TRAF6: variants seen among roughly 807,000 people sequenced by gnomAD.
The protein encoded by TRAF6 is TNF receptor associated factor 6.
In TRAF6, 10 loss-of-function variants were observed where a neutral mutation model predicts 48.4. The ratio of observed to expected loss-of-function variants is 0.21; its 90% CI spans 0.13 to 0.35. TRAF6 has a LOEUF of 0.35. TRAF6 is among the 10% of genes least tolerant of loss of function. TRAF6 has a pLI of 1.00. For synonymous variants in TRAF6, 186 were observed against 219.6 expected (o/e 0.85, Z 1.35); for missense variants, 397 against 661.0 (o/e 0.60, Z 4.38).
At chr11:36,492,423 T>C in intron 6 of TRAF6, 128 bp downstream of exon 6, 2 of 776,496 alleles carry the variant, frequency 2.6e-6, no homozygotes, top group East Asian at 5.5e-5. Context: ...CATCCATGAA[T>C]AACTCTATTA....
chr11:36,503,690 G>A (rs1859748404), intron 1 of TRAF6, among the ~76,000 whole-genome samples: 1 of 152,192 alleles, frequency 6.6e-6, no homozygotes, highest in Admixed American at 6.5e-5. Context: ...TTGAAAGGAA[G>A]CAAACAATGG....
In TRAF6 at chr11:36,498,033, C is replaced by T. The variant is rs148372564; in HGVS notation, c.447+457G>A. The stretch of plus-strand genomic sequence containing the variant: ...CTGAGTAGCTGGGATTACAGGTGCA[C>T]GCCACCATGCCTGGCTAATTTTTGT... On this transcript the variant is annotated intron_variant, in intron 3 of 6. Coordinates refer to ENST00000526995, the MANE Select transcript of TRAF6 (RefSeq NM_004620.4). 3.8e-3 allele frequency among the ~76,000 whole-genome samples: 575 copies of T among 152,006 alleles called. 6 individuals carry two copies. The highest frequency in any genetic ancestry group is 0.013 in the African/African-American group (536 of 41,454).
chr11:36,497,441 T>C (rs947604899), intron 3 of TRAF6, among the ~76,000 whole-genome samples, 175 bp from the exon 4 acceptor site: 2 of 152,194 alleles, frequency 1.3e-5, no homozygotes, highest in African/African-American at 4.8e-5. Flanking sequence ...AAAATGGTCA[T>C]GGGTTGCAAA....
chr11:36,488,560 G>A lies in TRAF6; in HGVS notation c.*1278C>T, dbSNP rs1704684364. On this transcript the variant is annotated 3_prime_UTR_variant, in exon 7 of 7. Coordinates refer to ENST00000526995, the MANE Select transcript of TRAF6 (RefSeq NM_004620.4). ...GCTTATACTAGTTGCGGGTCTCCCT[G>A]AGAACTAGATTCCACGATATTTTAT... 1 of 152,418 alleles carries A rather than the reference G, an allele frequency of 6.6e-6. No individual in the cohort carries two copies. The highest frequency in any genetic ancestry group is 1.5e-5 in the Non-Finnish European group (1 of 68,028). 9.4% of individuals were successfully genotyped at this position (152,418 alleles called of 1,614,324 possible). A position where few individuals can be genotyped will look rare whatever the true frequency, so the allele number is the denominator to read the frequency against.
intron 6 of TRAF6, among the ~76,000 whole-genome samples, chr11:36,491,466 T>C (rs933726645): frequency 6.6e-6 from 1 of 152,208 alleles, no homozygotes; most frequent in African/African-American, 2.4e-5. Flanking sequence ...CATACCATTT[T>C]GCTCATTTTA....
chr11:36,502,523 G>A (rs545064283), intron 1 of TRAF6, among the ~76,000 whole-genome samples: 1 of 152,180 alleles, frequency 6.6e-6, no homozygotes, highest in South Asian at 2.1e-4. Context: ...GAAACAGAAT[G>A]TAGGCCTCCA....
intron 1 of TRAF6, among the ~76,000 whole-genome samples, chr11:36,503,144 T>G (rs1313628730): frequency 6.6e-6 from 1 of 152,206 alleles, no homozygotes; most frequent in Non-Finnish European, 1.5e-5. Flanking sequence ...AATTTGTCCA[T>G]GAAGCTGCAT....
In TRAF6 at chr11:36,488,762, G is replaced by A. The variant is rs1219516620; in HGVS notation, c.*1076C>T. On this transcript the variant is annotated 3_prime_UTR_variant, in exon 7 of 7. Coordinates refer to ENST00000526995, the MANE Select transcript of TRAF6 (RefSeq NM_004620.4). ...ACAACCACTGTGACTTCTAATCCTA[G>A]TTTGGTGACCTCCTAGGTATCTCCA... 6 of 152,136 alleles carry A rather than the reference G, an allele frequency of 3.9e-5. No individual in the cohort carries two copies. Among genetic ancestry groups the A allele is most frequent in the Admixed American group, 3.9e-4 (6 of 15,280 alleles). 9.4% of individuals were successfully genotyped at this position (152,136 alleles called of 1,614,324 possible). A position where few individuals can be genotyped will look rare whatever the true frequency, so the allele number is the denominator to read the frequency against.
intron 2 of TRAF6, among the ~76,000 whole-genome samples, chr11:36,500,059 C>T (rs1318896443): frequency 2.6e-5 from 4 of 152,202 alleles, no homozygotes; most frequent in Non-Finnish European, 5.9e-5. Context: ...GGGTCAGGCA[C>T]TATTTCCAGA....
intron 1 of TRAF6, 188 bp from the exon 2 acceptor site, chr11:36,501,725 C>G: frequency 2.6e-6 from 1 of 389,522 alleles, no homozygotes; most frequent in Non-Finnish European, 4.5e-6. Context: ...TTACCTGATT[C>G]TCTCCTTCAA....
At chr11:36,498,394 A>G in intron 3 of TRAF6, 96 bp downstream of exon 3, 1 of 1,037,240 alleles carries the variant, frequency 9.6e-7, no homozygotes, top group Non-Finnish European at 1.4e-6. Context: ...ATCATATGCT[A>G]GGTACTGGCA....
At chr11:36,504,623 G>A (rs1441882499) in intron 1 of TRAF6, among the ~76,000 whole-genome samples, 1 of 152,164 alleles carries the variant, frequency 6.6e-6, no homozygotes, top group African/African-American at 2.4e-5. Context: ...CTCCTGTTAA[G>A]GCTGATATTT....
rs1257331076 is a variant in TRAF6, at chr11:36,490,809, C to T, written c.757-159G>A. 6.6e-6 allele frequency among the ~76,000 whole-genome samples: 1 copy of T among 152,174 alleles called. No homozygotes were observed. Among genetic ancestry groups the T allele is most frequent in the Non-Finnish European group, 1.5e-5 (1 of 68,032 alleles). On this transcript the variant is annotated intron_variant, in intron 6 of 6. Transcript: ENST00000526995. The surrounding 1 kb of genome is among the most constrained non-coding windows in gnomAD (Gnocchi z 6.4). The stretch of plus-strand genomic sequence containing the variant: ...TCAACAGATTCTTGATCCAATGAGG[C>T]GACTCTGCCTCTTAGTTCACTGAAA...
chr11:36,496,179 T>C (rs1859629905), intron 4 of TRAF6, among the ~76,000 whole-genome samples: 1 of 152,234 alleles, frequency 6.6e-6, no homozygotes, highest in Non-Finnish European at 1.5e-5. Flanking sequence ...TAGCTTTTTT[T>C]ATTGGCAATA....
chr11:36,492,656 T>A (rs757943396), intron 5 of TRAF6, 28 bp from the exon 6 acceptor site: 1 of 1,540,626 alleles, frequency 6.5e-7, no homozygotes, highest in Non-Finnish European at 8.9e-7. Flanking sequence ...GGCTGAAAAA[T>A]CTCTTCCTTG....
chr11:36,499,601 A>C (rs1859689014), intron 2 of TRAF6, among the ~76,000 whole-genome samples: 1 of 152,212 alleles, frequency 6.6e-6, no homozygotes, highest in Non-Finnish European at 1.5e-5. Flanking sequence ...TCCATCTCAA[A>C]AATAAAATAA....
chr11:36,507,096 TAC>T (rs1223447433), intron 1 of TRAF6, among the ~76,000 whole-genome samples: 2 of 149,850 alleles, frequency 1.3e-5, no homozygotes, highest in African/African-American at 4.9e-5. Context: ...TAAATGTATA[TAC>T]GTGTATATAT....
At chr11:36,502,226 T>A (rs1859728187) in intron 1 of TRAF6, among the ~76,000 whole-genome samples, 1 of 152,228 alleles carries the variant, frequency 6.6e-6, no homozygotes, top group African/African-American at 2.4e-5. Context: ...TTCTATTAGG[T>A]ATTAAAAATA....
At chr11:36,492,507 T>A in intron 6 of TRAF6, 44 bp downstream of exon 6, 1 of 1,426,020 alleles carries the variant, frequency 7.0e-7, no homozygotes. Context: ...TGTAAATATT[T>A]TTTTTTACTT....
Sources: gnomAD v4.1 joint callset for allele counts (sites outside exome capture counted in the v4.1 genomes callset) on GRCh38, gnomAD v4.1.1 for gene constraint, Gnocchi (gnomAD v3.1) non-coding constraint, MANE v1.5 for transcripts, NCBI Gene and HGNC (gene_info 2026-07-23, HGNC 2026-07-21) for gene names.